The following FBXO40 variants were observed in gnomAD, a reference collection of about 807,000 sequenced individuals.
FBXO40 encodes F-box only protein 40.
FBXO40 carries 50 observed loss-of-function variants against 49.9 expected under a neutral mutation model. The observed-to-expected ratio is 1.00, with a 90% CI of 0.80 to 1.27. FBXO40 has a LOEUF of 1.27. Among genes scored for constraint, FBXO40 ranks in the 50% most tolerant of loss-of-function variants. The pLI, the probability that FBXO40 is intolerant of heterozygous loss-of-function variation, is 0.00. For missense variants in FBXO40, 895 were observed against 870.1 expected, an observed-to-expected ratio of 1.03 and a Z score of -0.36; for synonymous variants, 340 against 320.2, an observed-to-expected ratio of 1.06 and a Z score of -0.66.
At chr3:121,600,194 A>ATTTTTT (rs71133558) in intron 1 of FBXO40, among the ~76,000 whole-genome samples, 4 of 88,428 alleles carry the variant, frequency 4.5e-5, no homozygotes, top group Non-Finnish European at 6.2e-5. Context: ...CACTTGGCTG[A>ATTTTTT]TTTTTTTTTT....
intron 1 of FBXO40, among the ~76,000 whole-genome samples, chr3:121,618,125 C>A (rs2049008205): frequency 6.6e-6 from 1 of 151,890 alleles, no homozygotes; most frequent in African/African-American, 2.4e-5. Flanking sequence ...ATTGCATATA[C>A]CCCCAAAATA....
chr3:121,593,997 C>G (rs2048856680), intron 1 of FBXO40, among the ~76,000 whole-genome samples: 2 of 152,158 alleles, frequency 1.3e-5, no homozygotes, highest in South Asian at 2.1e-4. Context: ...TTCCGAGTAG[C>G]TGAGACTACA....
At position 121,629,221 on chromosome 3, in the gene FBXO40, T is replaced by C. The variant is rs1274122224; in HGVS notation, c.*2311T>C. 6.6e-6 allele frequency: 1 copy of C among 152,234 alleles called. No individual in the cohort carries two copies. The highest frequency in any genetic ancestry group is 2.4e-5 in the African/African-American group (1 of 41,458). 9.4% of individuals were successfully genotyped at this position (152,234 alleles called of 1,614,324 possible). On this transcript the variant is annotated 3_prime_UTR_variant, in exon 4 of 4. Transcript: ENST00000338040. ...TGTGCCACTCGGTACTATTTGGTAA[T>C]GTCACTCTATTTTTCCTAATCCCAT... is the stretch of plus-strand genomic sequence containing the variant.
In FBXO40 at chr3:121,630,190, C is replaced by G. The variant is rs1436203212; in HGVS notation, c.*3280C>G. 1 of 152,198 alleles carries G rather than the reference C, an allele frequency of 6.6e-6. No homozygotes were observed. The highest frequency in any genetic ancestry group is 1.5e-5 in the Non-Finnish European group (1 of 68,036). The allele number at this position is 152,198 out of a possible 1,614,324, so 9.4% of individuals were successfully genotyped here. On this transcript the variant is annotated 3_prime_UTR_variant, in exon 4 of 4. Transcript: ENST00000338040. Reference sequence around the variant, plus strand: ...GATTTATGTGTGATGTCAAATCAAACTGAAATGAAGAATGAGATTGAGTAT... The same window carrying G: ...GATTTATGTGTGATGTCAAATCAAAGTGAAATGAAGAATGAGATTGAGTAT...
intron 1 of FBXO40, among the ~76,000 whole-genome samples, chr3:121,596,629 G>A (rs941222102): frequency 6.6e-6 from 1 of 152,188 alleles, no homozygotes; most frequent in Non-Finnish European, 1.5e-5. Context: ...TTCTGTGCCT[G>A]TCAAGTGTTT....
chr3:121,616,382 T>C (rs1026017468), intron 1 of FBXO40, among the ~76,000 whole-genome samples: 2 of 152,240 alleles, frequency 1.3e-5, no homozygotes, highest in Non-Finnish European at 2.9e-5. Context: ...AGCCAGCATC[T>C]GTAGCAGTGG....
rs775323365 is a variant in FBXO40 at position 121,626,688 on chromosome 3, TC to T, written c.1915-6del. The T allele has an allele frequency of 6.2e-7, 1 of 1,614,028 alleles. No homozygotes were observed. Among genetic ancestry groups the T allele is most frequent in the South Asian group, 1.1e-5 (1 of 91,078 alleles). ...ATTCACCTTTGAACTTCTATCTTTCTCAACAGATCTGGCAGTTCAGCAGCCT... is the reference window on the plus strand; with the variant it reads ...ATTCACCTTTGAACTTCTATCTTTCTAACAGATCTGGCAGTTCAGCAGCCT... On this transcript the variant is annotated splice_polypyrimidine_tract_variant and splice_region_variant and intron_variant, in intron 3 of 3. Coordinates refer to ENST00000338040, the MANE Select transcript of FBXO40 (RefSeq NM_016298.4).
At chr3:121,612,204 G>C (rs1241464026) in intron 1 of FBXO40, among the ~76,000 whole-genome samples, 1 of 152,136 alleles carries the variant, frequency 6.6e-6, no homozygotes, top group Non-Finnish European at 1.5e-5. Flanking sequence ...CACAGAAAAG[G>C]GTACATGTAC....
chr3:121,623,124 T>G lies in FBXO40; in HGVS notation c.1695T>G (p.His565Gln). 1 of 1,614,174 alleles carries G rather than the reference T, an allele frequency of 6.2e-7. No homozygotes were observed. The highest frequency in any genetic ancestry group is 1.1e-5 in the South Asian group (1 of 91,074). ...EGRKNNHLLG[H>Q]GGKSQNSLTS... ...GGAAGAACAACCATCTTTTGGGTCA[T>G]GGAGGAAAAAGCCAGAATTCTTTAA... The change falls in exon 3 of 4, where the codon CAT (histidine) becomes CAG (glutamine). Residue 565 changes from histidine (H) to glutamine (Q), a missense_variant. Transcript: ENST00000338040.
At chr3:121,597,177 A>T (rs528580108) in intron 1 of FBXO40, among the ~76,000 whole-genome samples, 7 of 152,304 alleles carry the variant, frequency 4.6e-5, no homozygotes, top group African/African-American at 1.7e-4. Context: ...AGTCTCAAGG[A>T]CCACACTTTC....
chr3:121,606,981 T>C (rs2108846323), intron 1 of FBXO40, among the ~76,000 whole-genome samples: 1 of 152,318 alleles, frequency 6.6e-6, no homozygotes, highest in South Asian at 2.1e-4. Context: ...AACTTTTAGA[T>C]AGGCTTGGTG....
At chr3:121,614,018 C>T (rs773497436) in intron 1 of FBXO40, among the ~76,000 whole-genome samples, 7 of 152,180 alleles carry the variant, frequency 4.6e-5, no homozygotes, top group Non-Finnish European at 8.8e-5. Context: ...TCTGTAATCC[C>T]AGCACTTTGG....
chr3:121,618,553 A>ATT lies in FBXO40; in HGVS notation c.-30-1978_-30-1977dup, dbSNP rs58697675. ...AGGCATATGCCACAGTGCCCGGTTA[A>ATT]TTTTTTTTTTTTTTTTAATTTTAGT... is the stretch of plus-strand genomic sequence containing the variant. On this transcript the variant is annotated intron_variant, in intron 1 of 3. Transcript: ENST00000338040. Among the ~76,000 whole-genome samples the ATT allele has an allele frequency of 6.5e-3, 941 of 145,362 alleles. 13 individuals carry two copies. Among genetic ancestry groups the ATT allele is most frequent in the African/African-American group, 0.021 (806 of 39,156 alleles).
chr3:121,594,070 G>A (rs2048857125), intron 1 of FBXO40, among the ~76,000 whole-genome samples: 1 of 152,108 alleles, frequency 6.6e-6, no homozygotes, highest in Non-Finnish European at 1.5e-5. Flanking sequence ...GTTTCACCTT[G>A]ATGGCTAGGC....
intron 1 of FBXO40, among the ~76,000 whole-genome samples, chr3:121,593,756 G>A (rs1281585676): frequency 6.6e-6 from 1 of 152,154 alleles, no homozygotes; most frequent in Non-Finnish European, 1.5e-5. Flanking sequence ...TAATCAACAA[G>A]AGTAGTTATG....
chr3:121,624,720 C>T (rs969004529), intron 3 of FBXO40, among the ~76,000 whole-genome samples: 4 of 152,158 alleles, frequency 2.6e-5, no homozygotes, highest in Admixed American at 6.5e-5. Context: ...CTTTATCAGG[C>T]GGCTCTCTAC....
At chr3:121,603,153 G>A (rs991449222) in intron 1 of FBXO40, among the ~76,000 whole-genome samples, 3 of 152,140 alleles carry the variant, frequency 2.0e-5, no homozygotes, top group African/African-American at 7.2e-5. Context: ...TATTCATGAG[G>A]GTTTTACCCT....
chr3:121,608,268 C>A (rs1357500699), intron 1 of FBXO40, among the ~76,000 whole-genome samples: 1 of 152,138 alleles, frequency 6.6e-6, no homozygotes, highest in Non-Finnish European at 1.5e-5. Flanking sequence ...CTGGGGGAGT[C>A]CTTAGCAGTG....
chr3:121,621,672 G>C lies in FBXO40; in HGVS notation c.243G>C (p.Leu81=), dbSNP rs1209477906. Residue 81 remains leucine (L), a synonymous_variant, in exon 3 of 4, where the codon CTG becomes CTC. Coordinates refer to ENST00000338040, the MANE Select transcript of FBXO40 (RefSeq NM_016298.4). ...GCPLSMSRHK[L]AKHLQVCPAS... ...CTCTGTCCATGTCCCGCCACAAACTGGCCAAGCACCTGCAGGTGTGCCCCG... is the reference window on the plus strand; with the variant it reads ...CTCTGTCCATGTCCCGCCACAAACTCGCCAAGCACCTGCAGGTGTGCCCCG... 6.2e-7 allele frequency: 1 copy of C among 1,614,188 alleles called. No homozygotes were observed. Among genetic ancestry groups the C allele is most frequent in the Non-Finnish European group, 8.5e-7 (1 of 1,180,022 alleles).
Sources: allele counts gnomAD v4.1 joint callset (sites outside exome capture counted in the v4.1 genomes callset), GRCh38; gene constraint gnomAD v4.1.1; transcripts MANE v1.5; gene names NCBI Gene and HGNC (gene_info 2026-07-23, HGNC 2026-07-21).